Variants in ANK2 observed in about 807,000 individuals in gnomAD.
The protein encoded by ANK2 is ankyrin 2, also known as ankyrin-2.
ANK2 carries 83 observed loss-of-function variants against 360.5 expected under a neutral mutation model. The ratio of observed to expected loss-of-function variants is 0.23; its 90% CI spans 0.19 to 0.28. The LOEUF (loss-of-function observed/expected upper bound fraction) is 0.28, where lower values mean the gene tolerates loss of function less well. ANK2 is among the 10% of genes least tolerant of loss of function. The pLI, the probability that ANK2 is intolerant of heterozygous loss-of-function variation, is 1.00. For synonymous variants in ANK2, 1,740 were observed against 1,759.5 expected, an observed-to-expected ratio of 0.99 and a Z score of 0.28; for missense variants, 4,201 against 4,795.7, an observed-to-expected ratio of 0.88 and a Z score of 3.66.
the ANK2 span, chr4:112,788,771 A>G: frequency 6.8e-7 from 1 of 1,478,634 alleles, no homozygotes. Context: ...CAAAATTCTT[A>G]GGCCTTTCCT....
chr4:113,152,072 AAAAAAAG>A (rs1198758155), intron 1 of ANK2, among the ~76,000 whole-genome samples: 2 of 46,018 alleles, frequency 4.3e-5, no homozygotes, highest in Non-Finnish European at 9.2e-5. Context: ...TCTCAAAAAA[AAAAAAAG>A]AAAAAAAAAA....
At chr4:113,142,568 G>C (rs1460277152) in intron 1 of ANK2, among the ~76,000 whole-genome samples, 1 of 151,946 alleles carries the variant, frequency 6.6e-6, no homozygotes, top group East Asian at 1.9e-4. Flanking sequence ...GTCTTTCCTT[G>C]GCCTGTCCCT....
intron 32 of ANK2, 113 bp downstream of exon 32, chr4:113,339,435 T>A: frequency 1.2e-6 from 1 of 861,766 alleles, no homozygotes; most frequent in African/African-American, 1.7e-5. Flanking sequence ...CATTGGATTT[T>A]AAATATGGTC....
At chr4:112,961,970 C>T (rs143560367) in intron 2 of ANK2, among the ~76,000 whole-genome samples, 47 of 152,156 alleles carry the variant, frequency 3.1e-4, no homozygotes, top group African/African-American at 1.1e-3. Context: ...TCCAAGTTTC[C>T]AAAGGATCTA....
intron 1 of ANK2, among the ~76,000 whole-genome samples, chr4:112,862,856 C>G (rs1008058894): frequency 4.0e-5 from 6 of 151,700 alleles, no homozygotes; most frequent in Non-Finnish European, 8.8e-5. Context: ...TTGAGTCCAG[C>G]CTGGGTAACA....
At chr4:112,890,460 GC>G (rs1179411491) in intron 1 of ANK2, among the ~76,000 whole-genome samples, 2 of 150,664 alleles carry the variant, frequency 1.3e-5, no homozygotes, top group Non-Finnish European at 2.9e-5. Flanking sequence ...TTCAAAGAAT[GC>G]ATTCTGAAAT....
chr4:113,352,382 C>T (rs896115687), intron 37 of ANK2, among the ~76,000 whole-genome samples: 1 of 152,184 alleles, frequency 6.6e-6, no homozygotes, highest in Non-Finnish European at 1.5e-5. Context: ...GACCATGCCT[C>T]GTAGCACCAG....
chr4:113,363,520 C>A, intron 40 of ANK2, 51 bp downstream of exon 40: 1 of 1,606,990 alleles, frequency 6.2e-7, no homozygotes, highest in South Asian at 1.1e-5. Flanking sequence ...ATGTCTTGCT[C>A]AACAACCGCA....
At chr4:113,297,669 C>T (rs866317867) in intron 22 of ANK2, among the ~76,000 whole-genome samples, 6 of 152,004 alleles carry the variant, frequency 3.9e-5, no homozygotes, top group Admixed American at 2.6e-4. Context: ...ATAGGTCCAT[C>T]GATTAGAAAT....
chr4:113,358,776 T>C lies in ANK2; in HGVS notation c.10158T>C (p.Asn3386=), dbSNP rs778924329. The C allele has an allele frequency of 1.9e-6, 3 of 1,613,892 alleles. No individual in the cohort carries two copies. Among genetic ancestry groups the C allele is most frequent in the South Asian group, 1.1e-5 (1 of 91,070 alleles). Residue 3386 remains asparagine, a synonymous_variant, in exon 38 of 46, where the codon AAT becomes AAC. Coordinates refer to ENST00000357077, the MANE Select transcript of ANK2 (RefSeq NM_001148.6). ...GQDMASIAPD[N]RSKSESDASS... ...ACATGGCAAGCATCGCACCAGATAA[T>C]AGAAGCAAATCTGAATCTGATGCTA...
intron 34 of ANK2, among the ~76,000 whole-genome samples, chr4:113,345,656 A>G (rs2094764561): frequency 6.6e-6 from 1 of 152,232 alleles, no homozygotes; most frequent in Non-Finnish European, 1.5e-5. Context: ...ATATCAAATC[A>G]TCACATTGTA....
At chr4:113,327,937 G>A (rs754908906) in intron 26 of ANK2, among the ~76,000 whole-genome samples, 31 of 152,112 alleles carry the variant, frequency 2.0e-4, no homozygotes, top group Non-Finnish European at 4.6e-4. Context: ...ACACAATCAG[G>A]GCAAGTAATC....
At chr4:112,792,041 T>A in the ANK2 span, among the ~76,000 whole-genome samples, 3 of 141,512 alleles carry the variant, frequency 2.1e-5, no homozygotes, top group Non-Finnish European at 3.0e-5. Context: ...TTCTTTTTTT[T>A]TTTTTTTTTT....
chr4:112,773,569 C>CT, the ANK2 span, among the ~76,000 whole-genome samples: 1 of 152,112 alleles, frequency 6.6e-6, no homozygotes, highest in African/African-American at 2.4e-5. Context: ...TGGGAATCCA[C>CT]TTTTTTGGGG....
At chr4:113,341,322 T>C (rs546965855) in intron 32 of ANK2, among the ~76,000 whole-genome samples, 2 of 152,338 alleles carry the variant, frequency 1.3e-5, no homozygotes, top group South Asian at 4.1e-4. Flanking sequence ...CCTTGTCTTA[T>C]GTCTGCTATT....
chr4:112,921,052 C>CTTTT (rs1197480851), intron 2 of ANK2, among the ~76,000 whole-genome samples: 1 of 135,150 alleles, frequency 7.4e-6, no homozygotes, highest in Non-Finnish European at 1.6e-5. Flanking sequence ...TTCTTTTTCT[C>CTTTT]TTTTTTTTTT....
upstream of ANK2, among the ~76,000 whole-genome samples, chr4:113,047,638 G>C (rs1314596007): frequency 2.6e-5 from 4 of 150,970 alleles, no homozygotes; most frequent in African/African-American, 9.8e-5. Context: ...TGGGAGTTGG[G>C]CTTCTGGAGG....
At chr4:112,789,238 T>C in the ANK2 span, among the ~76,000 whole-genome samples, 3 of 152,318 alleles carry the variant, frequency 2.0e-5, no homozygotes, top group East Asian at 5.8e-4. Context: ...AAGTCTTAGA[T>C]GAGCTGAAGC....
intron 4 of ANK2, among the ~76,000 whole-genome samples, chr4:113,221,410 A>G (rs1244121322): frequency 6.6e-6 from 1 of 152,200 alleles, no homozygotes. Flanking sequence ...CTGCAATACC[A>G]GCACTTTGGG....
Sources: gnomAD v4.1 joint callset for allele counts (sites outside exome capture counted in the v4.1 genomes callset) on GRCh38, gnomAD v4.1.1 for gene constraint, MANE v1.5 for transcripts, NCBI Gene and HGNC (gene_info 2026-07-23, HGNC 2026-07-21) for gene names.